The following ZFAND3 variants were observed in gnomAD, a reference collection of about 807,000 sequenced individuals.
ZFAND3 encodes zinc finger AN1-type containing 3.
In ZFAND3, 10 loss-of-function variants were observed where a neutral mutation model predicts 29.6. That is an observed-to-expected ratio of 0.34 (90% confidence interval 0.21 to 0.57). The LOEUF (loss-of-function observed/expected upper bound fraction) is 0.57, where lower values mean the gene tolerates loss of function less well. Among genes scored for constraint, ZFAND3 ranks in the 20% least tolerant of loss-of-function variants. The pLI, the probability that ZFAND3 is intolerant of heterozygous loss-of-function variation, is 0.86. For synonymous variants in ZFAND3, 128 were observed against 112.6 expected (o/e 1.14, Z -0.87); for missense variants, 230 against 304.5 (o/e 0.76, Z 1.82).
At chr6:37,835,484 A>T (rs1205181083) in intron 1 of ZFAND3, among the ~76,000 whole-genome samples, 33 of 131,722 alleles carry the variant, frequency 2.5e-4, no homozygotes, top group Middle Eastern at 7.9e-3. Context: ...TTTTTTTTTT[A>T]AATGTATTCT....
At position 38,153,088 on chromosome 6, in the gene ZFAND3, G is replaced by C; in HGVS notation, c.*699G>C. 1.0e-6 allele frequency: 1 copy of C among 985,392 alleles called. No individual in the cohort carries two copies. Among genetic ancestry groups the C allele is most frequent in the Non-Finnish European group, 1.2e-6 (1 of 829,918 alleles). The allele number at this position is 985,392 out of a possible 1,614,324, so 61.0% of individuals were successfully genotyped here. A position where few individuals can be genotyped will look rare whatever the true frequency, so the allele number is the denominator to read the frequency against. ...CAAGACTAGTCCACGAACGAGACCC[G>C]CCTTTTCTACACAGGATCCAAGGTC... On this transcript the variant is annotated 3_prime_UTR_variant, in exon 6 of 6. Transcript: ENST00000287218.
Position 38,103,374 on chromosome 6 carries a change from A to AAT in ZFAND3, c.362-13188_362-13187dup, listed in dbSNP as rs1554181148. 3.6e-3 allele frequency among the ~76,000 whole-genome samples: 535 copies of AAT among 146,990 alleles called. 3 individuals are homozygous for AAT. The highest frequency in any genetic ancestry group is 0.014 in the Middle Eastern group (4 of 282). ...TATATATATATATATATATACACACAATATATATATACACACACACATATA... is the reference window on the plus strand; with the variant it reads ...TATATATATATATATATATACACACAATATATATATATACACACACACATATA... On this transcript the variant is annotated intron_variant, in intron 4 of 5. Coordinates refer to ENST00000287218, the MANE Select transcript of ZFAND3 (RefSeq NM_021943.3).
At chr6:38,040,714 A>G (rs1763743751) in intron 2 of ZFAND3, among the ~76,000 whole-genome samples, 1 of 152,300 alleles carries the variant, frequency 6.6e-6, no homozygotes, top group Admixed American at 6.5e-5. Flanking sequence ...GTATGTACAC[A>G]CACCCACGTG....
intron 5 of ZFAND3, among the ~76,000 whole-genome samples, chr6:38,144,766 A>C (rs1417269476): frequency 6.6e-6 from 1 of 152,256 alleles, no homozygotes; most frequent in Non-Finnish European, 1.5e-5. Flanking sequence ...TAAAACAGCC[A>C]CTTGAGGGAG....
intron 1 of ZFAND3, among the ~76,000 whole-genome samples, chr6:37,847,716 G>A (rs1279764240): frequency 6.6e-6 from 1 of 151,094 alleles, no homozygotes; most frequent in Non-Finnish European, 1.5e-5. Flanking sequence ...GGATGCCTTG[G>A]GAATAGGTCA....
intron 5 of ZFAND3, among the ~76,000 whole-genome samples, chr6:38,125,553 C>G (rs1320612173): frequency 6.6e-6 from 1 of 152,204 alleles, no homozygotes; most frequent in African/African-American, 2.4e-5. Flanking sequence ...CCCATACTGA[C>G]AGGTATGGCA....
At chr6:37,854,889 A>G (rs796199617) in intron 1 of ZFAND3, among the ~76,000 whole-genome samples, 20 of 150,954 alleles carry the variant, frequency 1.3e-4, no homozygotes, top group African/African-American at 4.6e-4. Flanking sequence ...GCTAAAGCTA[A>G]TAAGTTAGTA....
chr6:37,994,778 G>T (rs1333422006), intron 2 of ZFAND3, among the ~76,000 whole-genome samples: 1 of 152,162 alleles, frequency 6.6e-6, no homozygotes, highest in Admixed American at 6.5e-5. Flanking sequence ...ATTTACCAAG[G>T]ATATAAGGCC....
At chr6:37,829,677 C>G (rs887105594) in intron 1 of ZFAND3, among the ~76,000 whole-genome samples, 1 of 152,150 alleles carries the variant, frequency 6.6e-6, no homozygotes, top group African/African-American at 2.4e-5. Context: ...CCTGAGTTCC[C>G]TGTTTCTGTG....
intron 1 of ZFAND3, among the ~76,000 whole-genome samples, chr6:37,839,623 T>A (rs905075134): frequency 2.0e-5 from 3 of 151,902 alleles, no homozygotes; most frequent in African/African-American, 7.3e-5. Context: ...CAAGTGATTC[T>A]CCTGCCTCAG....
At chr6:37,854,412 A>T (rs1210654984) in intron 1 of ZFAND3, among the ~76,000 whole-genome samples, 1 of 152,184 alleles carries the variant, frequency 6.6e-6, no homozygotes, top group Non-Finnish European at 1.5e-5. Flanking sequence ...TTTAAAGACA[A>T]AGTTACAGAA....
rs1219916571 is a variant in ZFAND3, at chr6:38,031,214, T to C, written c.113-30379T>C. ...CTGTTTGTTTGCCTCTGTATTTGGG[T>C]CCCCTCTTTTTCAAAAATACTTAGT... On this transcript the variant is annotated intron_variant, in intron 2 of 5. Coordinates refer to ENST00000287218, the MANE Select transcript of ZFAND3 (RefSeq NM_021943.3). 2.0e-5 allele frequency among the ~76,000 whole-genome samples: 3 copies of C among 152,078 alleles called. No homozygotes were observed. The South Asian group carries it at 6.2e-4, about 32-fold the overall frequency.
intron 1 of ZFAND3, among the ~76,000 whole-genome samples, chr6:37,869,295 C>G (rs961774257): frequency 1.3e-5 from 2 of 152,092 alleles, no homozygotes; most frequent in African/African-American, 4.8e-5. Context: ...TCCCGAGTAG[C>G]TGGGATTACA....
At chr6:37,878,643 T>A (rs755654989) in intron 1 of ZFAND3, among the ~76,000 whole-genome samples, 1 of 152,100 alleles carries the variant, frequency 6.6e-6, no homozygotes, top group African/African-American at 2.4e-5. Context: ...GCCGAGGCAG[T>A]TTGTCCTGCT....
intron 4 of ZFAND3, among the ~76,000 whole-genome samples, chr6:38,095,195 A>G (rs1764952948): frequency 6.6e-6 from 1 of 152,178 alleles, no homozygotes; most frequent in Non-Finnish European, 1.5e-5. Flanking sequence ...GAAAACAGTT[A>G]ATGGTGAACT....
chr6:37,914,641 ATTTT>A (rs1402604351), intron 1 of ZFAND3, among the ~76,000 whole-genome samples: 1 of 106,660 alleles, frequency 9.4e-6, no homozygotes, highest in Non-Finnish European at 2.0e-5. Context: ...ACCCATAATT[ATTTT>A]CTTTCTTTCT....
At chr6:38,143,001 A>G (rs757602675) in intron 5 of ZFAND3, 1 of 152,352 alleles carries the variant, frequency 6.6e-6, no homozygotes, top group Non-Finnish European at 1.5e-5. Context: ...CTCATAAGTC[A>G]CAATATCTTT....
At chr6:38,110,654 T>TA (rs548397385) in intron 4 of ZFAND3, among the ~76,000 whole-genome samples, 17 of 152,180 alleles carry the variant, frequency 1.1e-4, no homozygotes, top group Non-Finnish European at 1.6e-4. Context: ...TGATAGGTTC[T>TA]AAAAAAACTG....
intron 2 of ZFAND3, among the ~76,000 whole-genome samples, chr6:37,957,270 A>G (rs1314166055): frequency 1.3e-5 from 2 of 151,404 alleles, no homozygotes; most frequent in Admixed American, 6.6e-5. Context: ...ACATTTTACC[A>G]TTTCTTATAT....
Sources: gnomAD v4.1 joint callset for allele counts (sites outside exome capture counted in the v4.1 genomes callset) on GRCh38, gnomAD v4.1.1 for gene constraint, MANE v1.5 for transcripts, NCBI Gene and HGNC (gene_info 2026-07-23, HGNC 2026-07-21) for gene names.